Variants in MOCOS observed in about 807,000 individuals in gnomAD.
MOCOS encodes the protein molybdenum cofactor sulfurase, also known as human molybdenum cofactor sulfurase.
In MOCOS, 86 loss-of-function variants were observed where a neutral mutation model predicts 83.6. The ratio of observed to expected loss-of-function variants is 1.03; its 90% CI spans 0.86 to 1.23. The LOEUF is 1.23. MOCOS is among the 50% of genes most tolerant of loss of function. The pLI is 0.00. For missense variants in MOCOS, 1,120 were observed against 1,126.9 expected, an observed-to-expected ratio of 0.99 and a Z score of 0.09; for synonymous variants, 445 against 434.7, an observed-to-expected ratio of 1.02 and a Z score of -0.29.
Position 36,215,830 on chromosome 18 carries a change from T to C in MOCOS, c.1650T>C (p.Ala550=), listed in dbSNP as rs760744444. The part of the protein sequence containing the change: ...RVWNNSSTVN[A]VPVAPPVCDV... The stretch of plus-strand genomic sequence containing the variant: ...GGAACAACTCGTCTACTGTGAATGC[T>C]GTGCCTGTGGCCCCACCTGTGTGTG... The change falls in exon 8 of 15, where the codon GCT becomes GCC. Residue 550 remains alanine, a synonymous_variant. Transcript: ENST00000261326. The C allele has an allele frequency of 2.5e-6, 4 of 1,614,268 alleles. No individual in the cohort carries two copies. In the African/African-American group the frequency reaches 4.0e-5, roughly 16 times the overall value.
At chr18:36,267,850 C>T (rs78523416) in intron 14 of MOCOS, among the ~76,000 whole-genome samples, 3,030 of 152,252 alleles carry the variant, frequency 0.02, 104 homozygotes, top group African/African-American at 0.069. Flanking sequence ...TTTAGATTTA[C>T]GGAACAGTTG....
intron 6 of MOCOS, among the ~76,000 whole-genome samples, chr18:36,209,354 A>C (rs539207283): frequency 6.6e-6 from 1 of 151,924 alleles, no homozygotes; most frequent in Admixed American, 6.6e-5. Flanking sequence ...AATTTATTTT[A>C]ATAGTTTTTT....
At chr18:36,263,128 A>T (rs916232926) in intron 13 of MOCOS, among the ~76,000 whole-genome samples, 1 of 152,186 alleles carries the variant, frequency 6.6e-6, no homozygotes, top group Non-Finnish European at 1.5e-5. Flanking sequence ...CAAATGCTCA[A>T]AAGATGTTTG....
In MOCOS at chr18:36,215,945, C is replaced by T. The variant is rs1405521746; in HGVS notation, c.1765C>T (p.Leu589Phe). The T allele has an allele frequency of 6.2e-7, 1 of 1,613,702 alleles. No homozygotes were observed. The highest frequency in any genetic ancestry group is 2.2e-5 in the East Asian group (1 of 44,876). Residue 589 changes from leucine (L) to phenylalanine (F), a missense_variant, in exon 8 of 15, where the codon CTC (leucine) becomes TTC (phenylalanine). By Grantham distance (22) the Leu-to-Phe change is conservative (BLOSUM62 0). Transcript: ENST00000261326. Reference protein sequence around the residue: ...LGPHVVTNLYLYPIKSCAAFE... With the variant: ...LGPHVVTNLYFYPIKSCAAFE... ...GCCACATGTTGTCACTAACCTTTAT[C>T]TCTATCCAATCAAATCCTGTGCTGC...
At chr18:36,218,336 CT>C (rs76451844) in intron 8 of MOCOS, among the ~76,000 whole-genome samples, 129 of 145,982 alleles carry the variant, frequency 8.8e-4, no homozygotes, top group Middle Eastern at 7.0e-3. Flanking sequence ...CCTTTTATGG[CT>C]TTTTTTTTTT....
At chr18:36,188,704 CG>C (rs1350397396) in intron 1 of MOCOS, among the ~76,000 whole-genome samples, 2 of 151,764 alleles carry the variant, frequency 1.3e-5, no homozygotes, top group Non-Finnish European at 2.9e-5. Flanking sequence ...TTCAGCGCTT[CG>C]GGTCACTTCC....
intron 9 of MOCOS, among the ~76,000 whole-genome samples, chr18:36,235,939 G>C (rs1344484188): frequency 6.6e-6 from 1 of 151,962 alleles, no homozygotes; most frequent in Non-Finnish European, 1.5e-5. Flanking sequence ...CTTTTGAGAC[G>C]TGTCTGTTCA....
chr18:36,247,462 T>C (rs2144136003), intron 9 of MOCOS, among the ~76,000 whole-genome samples: 1 of 152,346 alleles, frequency 6.6e-6, no homozygotes, highest in Non-Finnish European at 1.5e-5. Context: ...TCCTTCACCC[T>C]GTGGCCCCTC....
intron 10 of MOCOS, 66 bp from the exon 11 acceptor site, chr18:36,251,093 C>T (rs955216499): frequency 2.6e-6 from 4 of 1,544,926 alleles, no homozygotes; most frequent in Non-Finnish European, 3.5e-6. Flanking sequence ...AAACTTTTTG[C>T]AATTCAGATT....
intron 7 of MOCOS, among the ~76,000 whole-genome samples, chr18:36,214,917 C>T (rs2091469757): frequency 6.6e-6 from 1 of 152,194 alleles, no homozygotes; most frequent in South Asian, 2.1e-4. Flanking sequence ...GACCTGTGAC[C>T]AACACCAGGC....
chr18:36,248,164 A>G (rs909147924), intron 9 of MOCOS, among the ~76,000 whole-genome samples: 1 of 151,810 alleles, frequency 6.6e-6, no homozygotes, highest in Non-Finnish European at 1.5e-5. Context: ...GTAAGATCTC[A>G]TTGTGGTTTT....
rs1003512717 is a variant in MOCOS at position 36,190,135 on chromosome 18, G to A, written c.142+2454G>A. ...CTACTTGGCCCTCCAGAAGACTGTG[G>A]CACAGTGTGAGATGCTCCCCAGCAG... On this transcript the variant is annotated intron_variant, in intron 1 of 14. Coordinates refer to ENST00000261326, the MANE Select transcript of MOCOS (RefSeq NM_017947.4). 2.0e-5 allele frequency: 3 copies of A among 152,330 alleles called. No homozygotes were observed. In the South Asian group the frequency reaches 6.2e-4, roughly 32 times the overall value. The allele number at this position is 152,330 out of a possible 1,614,324, so 9.4% of individuals were successfully genotyped here.
At chr18:36,190,775 C>CA (rs897275258) in intron 1 of MOCOS, among the ~76,000 whole-genome samples, 4 of 151,612 alleles carry the variant, frequency 2.6e-5, no homozygotes, top group African/African-American at 7.3e-5. Flanking sequence ...CAAAACAAAA[C>CA]AAAAAAACTT....
chr18:36,190,748 CAAAAA>C (rs1187481759), intron 1 of MOCOS, among the ~76,000 whole-genome samples: 1 of 150,220 alleles, frequency 6.7e-6, no homozygotes, highest in South Asian at 2.1e-4. Context: ...GACCCTGTCT[CAAAAA>C]AAACAAAAAA....
chr18:36,235,444 C>T (rs2091554529), intron 9 of MOCOS, among the ~76,000 whole-genome samples: 1 of 124,782 alleles, frequency 8.0e-6, no homozygotes, highest in African/African-American at 3.1e-5. Context: ...ATCCATGTCC[C>T]TACAAAGGAC....
intron 11 of MOCOS, among the ~76,000 whole-genome samples, chr18:36,256,586 A>G (rs1176991804): frequency 6.6e-6 from 1 of 151,824 alleles, no homozygotes; most frequent in Non-Finnish European, 1.5e-5. Context: ...GGTAGCAGGG[A>G]TTACAGGTGT....
chr18:36,255,739 G>A (rs1223400821), intron 11 of MOCOS, among the ~76,000 whole-genome samples: 4 of 152,150 alleles, frequency 2.6e-5, no homozygotes, highest in Non-Finnish European at 5.9e-5. Flanking sequence ...GTAGGTCCTG[G>A]TCCAGGCAAA....
At chr18:36,223,376 C>A (rs552390992) in intron 9 of MOCOS, among the ~76,000 whole-genome samples, 1 of 152,128 alleles carries the variant, frequency 6.6e-6, no homozygotes, top group African/African-American at 2.4e-5. Flanking sequence ...TTCTTGACAC[C>A]CTTTCCAAAG....
chr18:36,188,734 CTG>C (rs2091352776), intron 1 of MOCOS, among the ~76,000 whole-genome samples: 1 of 145,402 alleles, frequency 6.9e-6, no homozygotes, highest in Non-Finnish European at 1.5e-5. Context: ...TGGAGGGTAA[CTG>C]TGTTTTCCCT....
Sources: gnomAD v4.1 joint callset for allele counts (sites outside exome capture counted in the v4.1 genomes callset) on GRCh38, gnomAD v4.1.1 for gene constraint, MANE v1.5 for transcripts, NCBI Gene and HGNC (gene_info 2026-07-23, HGNC 2026-07-21) for gene names.